The following DOCK5 variants were observed in gnomAD, a reference collection of about 807,000 sequenced individuals.
The protein encoded by DOCK5 is dedicator of cytokinesis 5, also known as dedicator of cytokinesis protein 5.
DOCK5 carries 142 observed loss-of-function variants against 251.8 expected under a neutral mutation model. The observed-to-expected ratio is 0.56, with a 90% CI of 0.49 to 0.65. DOCK5 has a LOEUF of 0.65. DOCK5 is among the 30% of genes least tolerant of loss of function. DOCK5 has a pLI of 0.00. For missense variants in DOCK5, 2,111 were observed against 2,312.3 expected, an observed-to-expected ratio of 0.91 and a Z score of 1.79; for synonymous variants, 842 against 835.5, an observed-to-expected ratio of 1.01 and a Z score of -0.13.
chr8:25,380,445 G>C, intron 39 of DOCK5, 51 bp downstream of exon 39: 1 of 1,462,100 alleles, frequency 6.8e-7, no homozygotes, highest in African/African-American at 1.4e-5. Flanking sequence ...GCTAAAATTA[G>C]CACTCATGAA....
chr8:25,264,277 G>T (rs1803671717), intron 2 of DOCK5, among the ~76,000 whole-genome samples: 1 of 151,626 alleles, frequency 6.6e-6, no homozygotes, highest in African/African-American at 2.4e-5. Context: ...GGGTGCTGAG[G>T]TGGGATCCAT....
intron 7 of DOCK5, 33 bp from the exon 8 acceptor site, chr8:25,298,911 C>G (rs759457583): frequency 2.6e-6 from 4 of 1,554,458 alleles, no homozygotes; most frequent in South Asian, 1.2e-5. Flanking sequence ...TTGCCAAAAT[C>G]AAGATGTTTT....
intron 28 of DOCK5, 137 bp from the exon 29 acceptor site, chr8:25,362,910 A>C: frequency 1.5e-6 from 1 of 656,112 alleles, no homozygotes; most frequent in East Asian, 2.6e-5. Context: ...TTATTCCTAA[A>C]ACCCTTGAAA....
chr8:25,310,078 AGT>A (rs1192093676), intron 12 of DOCK5, among the ~76,000 whole-genome samples: 7 of 152,110 alleles, frequency 4.6e-5, no homozygotes, highest in Non-Finnish European at 1.0e-4. Context: ...TATATACTAT[AGT>A]GTTTCATTGT....
chr8:25,386,808 C>G (rs1801172492), intron 40 of DOCK5, among the ~76,000 whole-genome samples: 1 of 152,140 alleles, frequency 6.6e-6, no homozygotes, highest in African/African-American at 2.4e-5. Flanking sequence ...CGAAAGCATT[C>G]TCGTCTAAAT....
rs369929832 is a variant in DOCK5 at position 25,202,081 on chromosome 8, A to G, written c.43+17130A>G. On this transcript the variant is annotated intron_variant, in intron 1 of 51. Transcript: ENST00000276440. ...ACCCAGGCTGGAGCGCAGTGGCACA[A>G]TCGTGGCTCACTGCAATCTCTGCCT... Among the ~76,000 whole-genome samples the G allele has an allele frequency of 6.6e-5, 10 of 152,196 alleles. No individual in the cohort carries two copies. In the South Asian group the frequency reaches 8.3e-4, roughly 13 times the overall value.
In DOCK5 at chr8:25,292,068, C is replaced by T; in HGVS notation, c.366C>T (p.Tyr122=). 2 of 1,604,384 alleles carry T rather than the reference C, an allele frequency of 1.2e-6. No homozygotes were observed. Among genetic ancestry groups the T allele is most frequent in the East Asian group, 2.2e-5 (1 of 44,476 alleles). The change falls in exon 6 of 52, where the codon TAC becomes TAT. Residue 122 remains tyrosine, a synonymous_variant. Transcript: ENST00000276440. The part of the protein sequence containing the change: ...TLFRQLQQMT[Y]SLIEWRSQIL... ...TCCGCCAGCTGCAGCAGATGACGTA[C>T]AGCCTGATCGAGTGGCGGTCCCAGA...
intron 15 of DOCK5, 57 bp downstream of exon 15, chr8:25,319,733 T>A: frequency 7.7e-7 from 1 of 1,303,418 alleles, no homozygotes; most frequent in Non-Finnish European, 1.1e-6. Context: ...TAGATTCCTA[T>A]CTTCTGTTTA....
Position 25,292,113 on chromosome 8 carries a change from C to A in DOCK5, c.411C>A (p.Pro137=), listed in dbSNP as rs762511722. Reference sequence around the variant, plus strand: ...CCCAGATCCTGTCTGGGACGCTCCCCAAGGATGAACTGGCAGAGCTCAAGA... The same window carrying A: ...CCCAGATCCTGTCTGGGACGCTCCCAAAGGATGAACTGGCAGAGCTCAAGA... ...WRSQILSGTL[P]KDELAELKKK... is the part of the protein sequence containing the mutation. The change falls in exon 6 of 52, where the codon CCC becomes CCA. Residue 137 remains proline, a synonymous_variant. Transcript: ENST00000276440. The A allele has an allele frequency of 6.3e-7, 1 of 1,588,800 alleles. No homozygotes were observed. Among genetic ancestry groups the A allele is most frequent in the Non-Finnish European group, 8.6e-7 (1 of 1,167,150 alleles).
At chr8:25,225,771 CTAAGTGA>C (rs994844940) in intron 1 of DOCK5, among the ~76,000 whole-genome samples, 41 of 151,448 alleles carry the variant, frequency 2.7e-4, no homozygotes, top group African/African-American at 9.7e-4. Flanking sequence ...GGACGTTATG[CTAAGTGA>C]AATAAGCCAG....
chr8:25,278,333 GGCTGGGCC>G (rs1374421741), intron 4 of DOCK5, among the ~76,000 whole-genome samples: 1 of 152,230 alleles, frequency 6.6e-6, no homozygotes, highest in African/African-American at 2.4e-5. Flanking sequence ...GGGAGGTCGA[GGCTGGGCC>G]GCAGGCTCAT....
intron 25 of DOCK5, among the ~76,000 whole-genome samples, chr8:25,344,355 G>C (rs896122220): frequency 6.6e-6 from 1 of 152,032 alleles, no homozygotes; most frequent in Non-Finnish European, 1.5e-5. Flanking sequence ...ACTTCTTCTG[G>C]GGCTAACTAC....
At chr8:25,285,736 G>A (rs2117141064) in intron 5 of DOCK5, among the ~76,000 whole-genome samples, 1 of 152,304 alleles carries the variant, frequency 6.6e-6, no homozygotes, top group East Asian at 1.9e-4. Flanking sequence ...GTACAATTAA[G>A]CTGGTCTCAT....
At chr8:25,323,257 T>A (rs2255898) in intron 16 of DOCK5, among the ~76,000 whole-genome samples, 1 of 152,094 alleles carries the variant, frequency 6.6e-6, no homozygotes, top group Non-Finnish European at 1.5e-5. Context: ...GGAGGAAGGG[T>A]AAAGAAACTT....
chr8:25,313,010 T>G (rs1805143573), intron 13 of DOCK5, among the ~76,000 whole-genome samples: 1 of 152,074 alleles, frequency 6.6e-6, no homozygotes, highest in Non-Finnish European at 1.5e-5. Context: ...TCCTTGAAGA[T>G]CTCCTTGAAA....
chr8:25,225,534 G>A lies in DOCK5; in HGVS notation c.44-18140G>A, dbSNP rs535347378. 7.2e-5 allele frequency among the ~76,000 whole-genome samples: 11 copies of A among 152,124 alleles called. No homozygotes were observed. The South Asian group carries it at 8.3e-4, about 11-fold the overall frequency. On this transcript the variant is annotated intron_variant, in intron 1 of 51. Coordinates refer to ENST00000276440, the MANE Select transcript of DOCK5 (RefSeq NM_024940.8). ...ATCCTGGCTAACACAGTGAAACCCC[G>A]TCTCTACTAAAAATACACAAAATTA... is the stretch of plus-strand genomic sequence containing the variant.
At position 25,368,658 on chromosome 8, in the gene DOCK5, C is replaced by A. The variant is rs368072378; in HGVS notation, c.3371C>A (p.Thr1124Lys). ...CCTGAAGTAGAGCTCCGGAAAGCCACAATCCCCATTTTCTTTGATATGATG... is the reference window on the plus strand; with the variant it reads ...CCTGAAGTAGAGCTCCGGAAAGCCAAAATCCCCATTTTCTTTGATATGATG... ...LTPEVELRKA[T>K]IPIFFDMMQC... is the part of the protein sequence containing the mutation. Residue 1124 changes from threonine (T) to lysine (K), a missense_variant, in exon 33 of 52, where the codon ACA (threonine) becomes AAA (lysine). Physicochemically the swap from Thr to Lys is moderately conservative, Grantham distance 78. Coordinates refer to ENST00000276440, the MANE Select transcript of DOCK5 (RefSeq NM_024940.8). 1.4e-5 allele frequency: 22 copies of A among 1,613,810 alleles called. No individual in the cohort carries two copies. Among genetic ancestry groups the A allele is most frequent in the Non-Finnish European group, 1.9e-5 (22 of 1,179,876 alleles).
intron 3 of DOCK5, chr8:25,270,966 G>C: frequency 2.1e-6 from 1 of 484,360 alleles, no homozygotes; most frequent in Non-Finnish European, 3.7e-6. Context: ...TTATTATACC[G>C]TATTGTTTAG....
At chr8:25,368,138 A>T in intron 31 of DOCK5, 54 bp from the exon 32 acceptor site, 1 of 1,365,196 alleles carries the variant, frequency 7.3e-7, no homozygotes, top group African/African-American at 1.4e-5. Flanking sequence ...TATTGTGTTT[A>T]TGCAATTCAT....
Sources: gnomAD v4.1 joint callset for allele counts (sites outside exome capture counted in the v4.1 genomes callset) on GRCh38, gnomAD v4.1.1 for gene constraint, MANE v1.5 for transcripts, NCBI Gene and HGNC (gene_info 2026-07-23, HGNC 2026-07-21) for gene names.